The following TIAM1 variants were observed in gnomAD, a reference collection of about 807,000 sequenced individuals.
The protein encoded by TIAM1 is rho guanine nucleotide exchange factor TIAM1.
Under a neutral mutation model 163.5 loss-of-function variants are expected in TIAM1, and 65 were observed. The observed-to-expected ratio is 0.40, with a 90% CI of 0.33 to 0.49. TIAM1 has a LOEUF of 0.49. TIAM1 is among the 20% of genes least tolerant of loss of function. TIAM1 has a pLI of 0.77. For missense variants in TIAM1, 1,789 were observed against 2,044.7 expected, an observed-to-expected ratio of 0.87 and a Z score of 2.41; for synonymous variants, 833 against 810.1, an observed-to-expected ratio of 1.03 and a Z score of -0.48.
In TIAM1 at chr21:31,199,039, C is replaced by T. The variant is rs527437366; in HGVS notation, c.2494-3734G>A. 3.3e-5 allele frequency among the ~76,000 whole-genome samples: 5 copies of T among 152,346 alleles called. No homozygotes were observed. The South Asian group carries it at 1.0e-3, about 32-fold the overall frequency. On this transcript the variant is annotated intron_variant, in intron 12 of 27. Transcript: ENST00000541036. ...ATAAATGCACTTAATGATGAAATAGCTCACATCTTCCCTTTCTTTTATTAA... is the reference window on the plus strand; with the variant it reads ...ATAAATGCACTTAATGATGAAATAGTTCACATCTTCCCTTTCTTTTATTAA...
chr21:31,552,548 CA>C (rs1410569178), intron 1 of TIAM1, among the ~76,000 whole-genome samples: 1 of 152,062 alleles, frequency 6.6e-6, no homozygotes, highest in Admixed American at 6.5e-5. Context: ...CCGGGGCAGG[CA>C]GATCACCTGA....
rs551108785 is a variant in TIAM1 at position 31,301,985 on chromosome 21, G to A, written c.-188-25077C>T. Among the ~76,000 whole-genome samples the A allele has an allele frequency of 4.6e-5, 7 of 151,012 alleles. No individual in the cohort carries two copies. In the South Asian group the frequency reaches 1.3e-3, roughly 27 times the overall value. On this transcript the variant is annotated intron_variant, in intron 2 of 27. Transcript: ENST00000541036. Reference sequence around the variant, plus strand: ...TATATATGTGTGCGTATATATATATGTGCATATATAAAACATATATAAAAT... The same window carrying A: ...TATATATGTGTGCGTATATATATATATGCATATATAAAACATATATAAAAT...
chr21:31,328,433 C>G lies in TIAM1; in HGVS notation c.-189+10810G>C, dbSNP rs893008833. Among the ~76,000 whole-genome samples the G allele has an allele frequency of 6.6e-5, 10 of 152,296 alleles. No individual in the cohort carries two copies. In the South Asian group the frequency reaches 1.7e-3, roughly 25 times the overall value. On this transcript the variant is annotated intron_variant, in intron 2 of 27. Coordinates refer to ENST00000541036, the MANE Select transcript of TIAM1 (RefSeq NM_001353694.2). ...TCGCCCAGGCTGGAAAGCAGCAGCACAATCACGGCTCACTGCAGCCTCAGC... is the reference window on the plus strand; with the variant it reads ...TCGCCCAGGCTGGAAAGCAGCAGCAGAATCACGGCTCACTGCAGCCTCAGC...
intron 5 of TIAM1, among the ~76,000 whole-genome samples, chr21:31,247,225 T>C (rs1346543746): frequency 6.6e-6 from 1 of 151,602 alleles, no homozygotes; most frequent in Non-Finnish European, 1.5e-5. Context: ...CTGGGAGGAT[T>C]GTTTGAGCCC....
At chr21:31,293,410 T>G (rs1269522240) in intron 2 of TIAM1, among the ~76,000 whole-genome samples, 1 of 152,204 alleles carries the variant, frequency 6.6e-6, no homozygotes. Flanking sequence ...TCTAGACATC[T>G]AGACTGGTAT....
At chr21:31,224,512 T>C (rs937853329) in intron 7 of TIAM1, among the ~76,000 whole-genome samples, 1 of 152,208 alleles carries the variant, frequency 6.6e-6, no homozygotes, top group African/African-American at 2.4e-5. Context: ...ATTCCATTCA[T>C]ATGAAATATC....
chr21:31,218,526 G>A (rs1271747431), intron 8 of TIAM1, among the ~76,000 whole-genome samples: 2 of 149,222 alleles, frequency 1.3e-5, no homozygotes, highest in Non-Finnish European at 3.0e-5. Flanking sequence ...CTGAGAACAC[G>A]CCACTGCACT....
chr21:31,537,974 G>A (rs1165410129), intron 1 of TIAM1, among the ~76,000 whole-genome samples: 2 of 152,174 alleles, frequency 1.3e-5, no homozygotes, highest in African/African-American at 2.4e-5. Flanking sequence ...AAACATAACA[G>A]TGAACGAAAG....
intron 6 of TIAM1, among the ~76,000 whole-genome samples, chr21:31,228,220 TAAAAAAAAA>T (rs71191197): frequency 4.9e-4 from 8 of 16,256 alleles, no homozygotes; most frequent in Middle Eastern, 0.045. Flanking sequence ...CTCCTTTTTT[TAAAAAAAAA>T]AAAAAAAAAA....
At chr21:31,193,840 T>C (rs985411567) in intron 13 of TIAM1, among the ~76,000 whole-genome samples, 1 of 152,168 alleles carries the variant, frequency 6.6e-6, no homozygotes, top group African/African-American at 2.4e-5. Flanking sequence ...ATGTTCAAAA[T>C]GGCGGCTCCA....
intron 6 of TIAM1, among the ~76,000 whole-genome samples, chr21:31,238,636 C>T (rs1339082390): frequency 6.6e-6 from 1 of 152,108 alleles, no homozygotes; most frequent in African/African-American, 2.4e-5. Flanking sequence ...AATCATCTAA[C>T]CTGTGTAGTG....
At chr21:31,261,576 C>T (rs2072478285) in intron 4 of TIAM1, among the ~76,000 whole-genome samples, 1 of 151,968 alleles carries the variant, frequency 6.6e-6, no homozygotes, top group Admixed American at 6.6e-5. Context: ...AGCCAGGCGC[C>T]GTGGTGCATG....
rs2081892330 is a variant in TIAM1 at position 31,118,657 on chromosome 21, C to T, written c.*1711G>A. On this transcript the variant is annotated 3_prime_UTR_variant, in exon 28 of 28. Transcript: ENST00000541036. ...TAAATGCGACGATTAGAAGCCTCTG[C>T]TTCCGTTTTCCATCTGGACGCGATC... 1 of 471,140 alleles carries T rather than the reference C, an allele frequency of 2.1e-6. No individual in the cohort carries two copies. Among genetic ancestry groups the T allele is most frequent in the Non-Finnish European group, 4.4e-6 (1 of 227,090 alleles). 29.2% of individuals were successfully genotyped at this position (471,140 alleles called of 1,614,324 possible).
intron 6 of TIAM1, among the ~76,000 whole-genome samples, chr21:31,230,010 G>A (rs572369707): frequency 3.3e-5 from 5 of 152,256 alleles, no homozygotes; most frequent in Non-Finnish European, 7.4e-5. Context: ...CCCTGCAGAG[G>A]CGCACGCAGC....
intron 2 of TIAM1, among the ~76,000 whole-genome samples, chr21:31,397,680 C>T (rs1161099058): frequency 1.3e-5 from 2 of 152,184 alleles, no homozygotes; most frequent in Non-Finnish European, 2.9e-5. Flanking sequence ...TGATCCAAAT[C>T]TGTTAGGGGG....
At chr21:31,510,494 T>C (rs1007384915) in intron 1 of TIAM1, among the ~76,000 whole-genome samples, 1 of 152,158 alleles carries the variant, frequency 6.6e-6, no homozygotes, top group African/African-American at 2.4e-5. Flanking sequence ...CATAGGAAGT[T>C]TTGGGGGAAC....
chr21:31,217,500 T>G, intron 9 of TIAM1, 53 bp downstream of exon 9: 3 of 1,575,270 alleles, frequency 1.9e-6, no homozygotes, highest in Non-Finnish European at 2.6e-6. Flanking sequence ...CAAATTGAGG[T>G]GGCCACAGAA....
intron 20 of TIAM1, among the ~76,000 whole-genome samples, chr21:31,143,170 C>G (rs1189692750): frequency 1.3e-5 from 2 of 152,154 alleles, no homozygotes; most frequent in Non-Finnish European, 2.9e-5. Context: ...CTCCATTTGG[C>G]TATTCCTGAG....
intron 2 of TIAM1, among the ~76,000 whole-genome samples, chr21:31,319,587 G>A (rs2075243140): frequency 1.3e-5 from 2 of 151,910 alleles, no homozygotes; most frequent in African/African-American, 4.8e-5. Context: ...GACCATTCTG[G>A]CTAACACAGT....
Sources: allele counts gnomAD v4.1 joint callset (sites outside exome capture counted in the v4.1 genomes callset), GRCh38; gene constraint gnomAD v4.1.1; transcripts MANE v1.5; gene names NCBI Gene and HGNC (gene_info 2026-07-23, HGNC 2026-07-21).